Variants in CPNE1 observed in about 807,000 individuals in gnomAD.
CPNE1 encodes the protein copine-1.
Under a neutral mutation model 63.2 loss-of-function variants are expected in CPNE1, and 58 were observed. The observed-to-expected ratio is 0.92, with a 90% confidence interval of 0.74 to 1.14. The LOEUF is 1.14. Among genes scored for constraint, CPNE1 ranks in the 50% most tolerant of loss-of-function variants. The pLI, the probability that CPNE1 is intolerant of heterozygous loss-of-function variation, is 0.00. For missense variants in CPNE1, 672 were observed against 661.7 expected (o/e 1.02, Z -0.17); for synonymous variants, 237 against 249.0 (o/e 0.95, Z 0.45).
Position 35,631,707 on chromosome 20 carries a change from T to C in CPNE1, c.608A>G (p.Asn203Ser), listed in dbSNP as rs2032156450. The C allele has an allele frequency of 6.2e-7, 1 of 1,613,688 alleles. No individual in the cohort carries two copies. The highest frequency in any genetic ancestry group is 1.3e-5 in the African/African-American group (1 of 74,824). Residue 203 changes from asparagine (N) to serine (S), a missense_variant, in exon 7 of 16, where the codon AAC (asparagine) becomes AGC (serine). By Grantham distance (46) the Asn-to-Ser change is conservative. Transcript: ENST00000397443. ...CCTCACCTGGATGGGTGTGCTGGGG[T>C]TCCCACCACAGAAATGCTGAACGGG... ...SVPVQHFCGG[N>S]PSTPIQVQCS...
At chr20:35,635,155 A>C (rs1030739500) in intron 1 of CPNE1, among the ~76,000 whole-genome samples, 4 of 151,820 alleles carry the variant, frequency 2.6e-5, no homozygotes, top group African/African-American at 9.7e-5. Context: ...TACTCAAAAT[A>C]ATCTTCCCTG....
chr20:35,652,840 C>T, intron 1 of CPNE1: 1 of 1,608,608 alleles, frequency 6.2e-7, no homozygotes, highest in Non-Finnish European at 8.5e-7. Context: ...GGGGCCGGGG[C>T]CAGGCCCAAA....
chr20:35,648,665 G>A (rs930497395), intron 1 of CPNE1, among the ~76,000 whole-genome samples: 18 of 152,150 alleles, frequency 1.2e-4, no homozygotes, highest in Admixed American at 1.2e-3. Context: ...ACATTTAAGG[G>A]CTTTGTTTGC....
chr20:35,649,772 AGAAG>A (rs753306409), intron 1 of CPNE1: 12 of 152,396 alleles, frequency 7.9e-5, no homozygotes, highest in African/African-American at 2.4e-4. Flanking sequence ...AAAAAAAATC[AGAAG>A]GGAGAGGAAA....
At position 35,626,148 on chromosome 20, in the gene CPNE1, G is replaced by A. The variant is rs1234381393; in HGVS notation, c.*93C>T. 4 of 1,295,690 alleles carry A rather than the reference G, an allele frequency of 3.1e-6. No individual in the cohort carries two copies. Among genetic ancestry groups the A allele is most frequent in the Non-Finnish European group, 4.5e-6 (4 of 892,262 alleles). 80.3% of individuals were successfully genotyped at this position (1,295,690 alleles called of 1,614,324 possible). A position where few individuals can be genotyped will look rare whatever the true frequency, so the allele number is the denominator to read the frequency against. On this transcript the variant is annotated 3_prime_UTR_variant, in exon 16 of 16. Coordinates refer to ENST00000397443, the MANE Select transcript of CPNE1 (RefSeq NM_152925.3). ...ATAAAAGTATCAAAAAATACAAAGTGCTAGCACTGAGGAGAGTGAGAAGGG... is the reference window on the plus strand; with the variant it reads ...ATAAAAGTATCAAAAAATACAAAGTACTAGCACTGAGGAGAGTGAGAAGGG...
At chr20:35,659,621 CCT>C (rs1326581463) in intron 1 of CPNE1, among the ~76,000 whole-genome samples, 1 of 151,852 alleles carries the variant, frequency 6.6e-6, no homozygotes, top group African/African-American at 2.4e-5. Context: ...AGTGTTTTTT[CCT>C]CTGACATCAC....
At chr20:35,636,850 T>G (rs1046666583) in intron 1 of CPNE1, among the ~76,000 whole-genome samples, 4 of 152,176 alleles carry the variant, frequency 2.6e-5, no homozygotes, top group African/African-American at 9.7e-5. Flanking sequence ...ACTTCAATTG[T>G]AGGTGTATCT....
chr20:35,653,697 G>C, intron 1 of CPNE1: 1 of 1,614,180 alleles, frequency 6.2e-7, no homozygotes, highest in Non-Finnish European at 8.5e-7. Flanking sequence ...CACAGACTTT[G>C]GCAGAGTTGA....
intron 1 of CPNE1, among the ~76,000 whole-genome samples, chr20:35,640,024 C>A (rs997742984): frequency 1.3e-5 from 2 of 152,170 alleles, no homozygotes; most frequent in Non-Finnish European, 2.9e-5. Flanking sequence ...TGATGTGAGC[C>A]CCTAAGGTGG....
chr20:35,644,821 GGGAAGGAAGGTA>G (rs1467980982), intron 1 of CPNE1, among the ~76,000 whole-genome samples: 4 of 152,092 alleles, frequency 2.6e-5, no homozygotes, highest in Non-Finnish European at 5.9e-5. Context: ...CTGACTGCTG[GGGAAGGAAGGTA>G]GGAAATCCTG....
At chr20:35,650,486 G>T (rs1449204362) in intron 1 of CPNE1, 3 of 152,580 alleles carry the variant, frequency 2.0e-5, no homozygotes, top group Admixed American at 6.5e-5. Flanking sequence ...CTCTCAAGCA[G>T]TGCTGAAGTT....
At chr20:35,650,236 G>A (rs1430334688) in intron 1 of CPNE1, 3 of 152,118 alleles carry the variant, frequency 2.0e-5, no homozygotes, top group Non-Finnish European at 4.4e-5. Flanking sequence ...TACACAAACC[G>A]CTCTTTTAAT....
At chr20:35,658,800 AAAACACACAC>A in intron 1 of CPNE1, 1 of 481,520 alleles carries the variant, frequency 2.1e-6, no homozygotes, top group Non-Finnish European at 3.6e-6. Context: ...CAAGCAAACA[AAAACACACAC>A]ACACACACAC....
At chr20:35,650,453 A>C (rs2033421823) in intron 1 of CPNE1, 1 of 152,650 alleles carries the variant, frequency 6.6e-6, no homozygotes, top group Non-Finnish European at 1.5e-5. Context: ...CCAATGGAGA[A>C]AATATCTGTG....
chr20:35,627,944 A>G (rs2031864986), intron 13 of CPNE1, among the ~76,000 whole-genome samples: 1 of 151,890 alleles, frequency 6.6e-6, no homozygotes. Context: ...CAGGGGTTCA[A>G]GGCCAGCTTA....
chr20:35,651,100 T>C (rs1204441072), intron 1 of CPNE1: 4 of 152,208 alleles, frequency 2.6e-5, no homozygotes, highest in Admixed American at 6.5e-5. Context: ...GTAACCATAA[T>C]TAGAGCCTTT....
chr20:35,659,890 G>C (rs139138921), intron 1 of CPNE1, among the ~76,000 whole-genome samples: 81 of 152,164 alleles, frequency 5.3e-4, no homozygotes, highest in Non-Finnish European at 9.9e-4. Context: ...TTCGGAGAGA[G>C]AAGAAATTTG....
chr20:35,650,686 T>TA (rs2033443949), intron 1 of CPNE1: 1 of 152,564 alleles, frequency 6.6e-6, no homozygotes, highest in South Asian at 2.1e-4. Context: ...ATCCTTCTCT[T>TA]AAACAAAAAT....
intron 1 of CPNE1, chr20:35,650,748 T>C (rs1360607941): frequency 2.6e-5 from 4 of 152,618 alleles, no homozygotes; most frequent in Admixed American, 2.6e-4. Context: ...TTTTCAAATC[T>C]TATCAAATGA....
Sources: gnomAD v4.1 joint callset for allele counts (sites outside exome capture counted in the v4.1 genomes callset) on GRCh38, gnomAD v4.1.1 for gene constraint, MANE v1.5 for transcripts, NCBI Gene and HGNC (gene_info 2026-07-23, HGNC 2026-07-21) for gene names.